LRRTM4: variants seen among roughly 807,000 people sequenced by gnomAD.
LRRTM4 encodes the protein leucine-rich repeat transmembrane neuronal protein 4.
In LRRTM4, 25 loss-of-function variants were observed where a neutral mutation model predicts 47.6. The ratio of observed to expected loss-of-function variants is 0.53; its 90% CI spans 0.38 to 0.73. The LOEUF (loss-of-function observed/expected upper bound fraction) is 0.73, where lower values mean the gene tolerates loss of function less well. Ranked by LOEUF, LRRTM4 falls within the 30% of genes least tolerant of loss-of-function variation. The pLI is 0.00. For synonymous variants in LRRTM4, 311 were observed against 269.5 expected (o/e 1.15, Z -1.51); for missense variants, 638 against 713.4 (o/e 0.89, Z 1.20).
At chr2:77,473,732 C>T (rs1026668710) in intron 3 of LRRTM4, among the ~76,000 whole-genome samples, 2 of 152,060 alleles carry the variant, frequency 1.3e-5, no homozygotes, top group African/African-American at 4.8e-5. Context: ...AAGTTACTGC[C>T]AGGGGTATTT....
chr2:76,844,581 T>A (rs1671784836), intron 3 of LRRTM4, among the ~76,000 whole-genome samples: 1 of 152,198 alleles, frequency 6.6e-6, no homozygotes, highest in Non-Finnish European at 1.5e-5. Context: ...TAATGTAGTT[T>A]TTTACTGAAG....
intron 3 of LRRTM4, among the ~76,000 whole-genome samples, chr2:77,251,184 TATATA>T: frequency 3.1e-5 from 1 of 31,962 alleles, no homozygotes; most frequent in Admixed American, 3.6e-4. Context: ...TGTGTGTATA[TATATA>T]CACACACACA....
rs376665010 is a variant in LRRTM4 at position 77,360,382 on chromosome 2, A to G, written c.1551+157936T>C. On this transcript the variant is annotated intron_variant, in intron 3 of 3. Transcript: ENST00000409884. ...TGAGGCAGGAGAATGGCGTGAACCC[A>G]GGAGGCGGAGCTTGCAGTGAGCCAA... Among the ~76,000 whole-genome samples, 36 of 152,172 alleles carry G rather than the reference A, an allele frequency of 2.4e-4. No homozygotes were observed. The East Asian group carries it at 6.8e-3, about 29-fold the overall frequency.
chr2:76,858,174 T>C (rs1672209061), intron 3 of LRRTM4, among the ~76,000 whole-genome samples: 1 of 152,120 alleles, frequency 6.6e-6, no homozygotes, highest in South Asian at 2.1e-4. Flanking sequence ...TTCTATAGGG[T>C]GTTTTTGGAT....
chr2:76,830,662 CAAAATTTTAAATT>C (rs1293042166), intron 3 of LRRTM4, among the ~76,000 whole-genome samples: 2 of 151,580 alleles, frequency 1.3e-5, no homozygotes, highest in Non-Finnish European at 1.5e-5. Flanking sequence ...GTCTTTGTCT[CAAAATTTTAAATT>C]ACCATTAATT....
intron 3 of LRRTM4, among the ~76,000 whole-genome samples, chr2:77,198,002 TATGTTGATA>T (rs1673876033): frequency 6.6e-6 from 1 of 152,194 alleles, no homozygotes; most frequent in Admixed American, 6.6e-5. Context: ...TGCACGACTT[TATGTTGATA>T]AATATGAATA....
intron 3 of LRRTM4, among the ~76,000 whole-genome samples, chr2:77,271,647 G>A (rs555960565): frequency 5.1e-4 from 77 of 152,280 alleles, no homozygotes; most frequent in African/African-American, 1.7e-3. Flanking sequence ...TTCCTAAAGG[G>A]TCTTTCTGAC....
At chr2:76,839,242 T>C (rs1404143581) in intron 3 of LRRTM4, among the ~76,000 whole-genome samples, 2 of 152,190 alleles carry the variant, frequency 1.3e-5, no homozygotes, top group East Asian at 3.9e-4. Context: ...GATACAGACA[T>C]TTTATCCTCA....
At chr2:76,912,588 CA>C (rs1275079097) in intron 3 of LRRTM4, among the ~76,000 whole-genome samples, 5 of 151,968 alleles carry the variant, frequency 3.3e-5, no homozygotes, top group African/African-American at 9.7e-5. Flanking sequence ...TATATGCAGC[CA>C]AAAAAATTGA....
chr2:76,794,960 T>A (rs1002633705), intron 3 of LRRTM4, among the ~76,000 whole-genome samples: 1 of 152,148 alleles, frequency 6.6e-6, no homozygotes, highest in African/African-American at 2.4e-5. Context: ...TAGAAGAATA[T>A]CTTAATCTAA....
chr2:77,177,214 A>G (rs1673223676), intron 3 of LRRTM4, among the ~76,000 whole-genome samples: 1 of 152,120 alleles, frequency 6.6e-6, no homozygotes, highest in Admixed American at 6.5e-5. Flanking sequence ...CTGCTCTTGA[A>G]TTCCTTCCTA....
chr2:77,135,250 T>G (rs911521006), intron 3 of LRRTM4, among the ~76,000 whole-genome samples: 5 of 152,186 alleles, frequency 3.3e-5, no homozygotes, highest in African/African-American at 1.2e-4. Context: ...TCCAGAGGGT[T>G]CTCTGCATGC....
intron 3 of LRRTM4, among the ~76,000 whole-genome samples, chr2:77,035,304 G>A (rs1321269077): frequency 6.6e-6 from 1 of 151,034 alleles, no homozygotes. Flanking sequence ...GAAGAATCCT[G>A]TATATATTTA....
At chr2:77,494,360 C>T (rs911994515) in intron 3 of LRRTM4, among the ~76,000 whole-genome samples, 1 of 152,060 alleles carries the variant, frequency 6.6e-6, no homozygotes. Flanking sequence ...GTTACCAACT[C>T]ATTGTGATGT....
At chr2:76,975,074 CAACAAA>C (rs1291011133) in intron 3 of LRRTM4, among the ~76,000 whole-genome samples, 1 of 151,440 alleles carries the variant, frequency 6.6e-6, no homozygotes, top group Non-Finnish European at 1.5e-5. Context: ...ACAAACAAAC[CAACAAA>C]AACAAACAAA....
At chr2:76,780,257 A>T (rs1163967940) in intron 3 of LRRTM4, among the ~76,000 whole-genome samples, 14 of 152,106 alleles carry the variant, frequency 9.2e-5, no homozygotes, top group Non-Finnish European at 1.5e-5. Flanking sequence ...GCTCTTCTCG[A>T]GGAGTATCTT....
chr2:76,869,831 C>T (rs7602571), intron 3 of LRRTM4, among the ~76,000 whole-genome samples: 79,314 of 151,862 alleles, frequency 0.52, 21,510 homozygotes, highest in African/African-American at 0.66. Flanking sequence ...TAACAACATA[C>T]AAATTTAAAA....
intron 3 of LRRTM4, among the ~76,000 whole-genome samples, chr2:76,960,553 T>C (rs1675821484): frequency 1.4e-5 from 2 of 148,084 alleles, no homozygotes. Context: ...CTGCATGTGG[T>C]ATCTTCAACT....
rs554801279 is a variant in LRRTM4 at position 77,014,152 on chromosome 2, G to A, written c.1552-265236C>T. On this transcript the variant is annotated intron_variant, in intron 3 of 3. Coordinates refer to ENST00000409884, the MANE Select transcript of LRRTM4 (RefSeq NM_001134745.3). The stretch of plus-strand genomic sequence containing the variant: ...CCCCCTACAGGCTATGGATTAGCAA[G>A]GCTGAGTAGAGAGGGCGGATCAAGA... Among the ~76,000 whole-genome samples the A allele has an allele frequency of 2.0e-5, 3 of 152,102 alleles. No homozygotes were observed. The East Asian group carries it at 5.8e-4, about 29-fold the overall frequency.
Sources: gnomAD v4.1 joint callset for allele counts (sites outside exome capture counted in the v4.1 genomes callset) on GRCh38, gnomAD v4.1.1 for gene constraint, MANE v1.5 for transcripts, NCBI Gene and HGNC (gene_info 2026-07-23, HGNC 2026-07-21) for gene names.